JMY: variants seen among roughly 807,000 people sequenced by gnomAD.
JMY encodes the protein junction-mediating and -regulatory protein.
A neutral mutation model predicts 103.3 loss-of-function variants in JMY; 46 were observed. The ratio of observed to expected loss-of-function variants is 0.45; its 90% CI spans 0.35 to 0.57. JMY has a LOEUF of 0.57. Among genes scored for constraint, JMY ranks in the 20% least tolerant of loss-of-function variants. The probability of loss-of-function intolerance (pLI) is 0.00; values close to 1 mark genes in which losing one functional copy is unlikely to be tolerated. For synonymous variants in JMY, 526 were observed against 489.3 expected, an observed-to-expected ratio of 1.07 and a Z score of -0.99; for missense variants, 1,238 against 1,255.2, an observed-to-expected ratio of 0.99 and a Z score of 0.21.
chr5:79,250,978 T>C (rs1745069071), intron 1 of JMY, among the ~76,000 whole-genome samples: 2 of 152,196 alleles, frequency 1.3e-5, no homozygotes, highest in Admixed American at 1.3e-4. Flanking sequence ...GAACTGCCTA[T>C]AATTCTTCAC....
In JMY at chr5:79,237,503, C is replaced by CT; in HGVS notation, c.854dup (p.Cys286ValfsTer30). The stretch of plus-strand genomic sequence containing the variant: ...GATGACCGAGCAGGAAATCGACACT[C>CT]TGTGTTACCAGCTCCAGGTCTACCT... On this transcript the variant is annotated frameshift_variant, in exon 1 of 11. Transcript: ENST00000396137. LOFTEE classifies it high-confidence loss of function. The CT allele has an allele frequency of 6.2e-7, 1 of 1,613,812 alleles. No individual in the cohort carries two copies. Among genetic ancestry groups the CT allele is most frequent in the Non-Finnish European group, 8.5e-7 (1 of 1,180,004 alleles).
intron 1 of JMY, among the ~76,000 whole-genome samples, chr5:79,247,975 C>CTCCACCTCCCAGGTTCAGGTGT (rs1744958047): frequency 6.6e-6 from 1 of 151,338 alleles, no homozygotes; most frequent in African/African-American, 2.4e-5. Context: ...TCACTGCAAC[C>CTCCACCTCCCAGGTTCAGGTGT]TCCACCTCCC....
chr5:79,303,852 T>A (rs1259884918), intron 6 of JMY, among the ~76,000 whole-genome samples: 1 of 151,820 alleles, frequency 6.6e-6, no homozygotes, highest in East Asian at 1.9e-4. Context: ...GGGCAAGGAG[T>A]AGATCTTGGT....
chr5:79,242,325 G>C (rs569320405), intron 1 of JMY, among the ~76,000 whole-genome samples: 1 of 152,256 alleles, frequency 6.6e-6, no homozygotes, highest in Non-Finnish European at 1.5e-5. Context: ...GGAAATAAAG[G>C]ATGTCTTAAG....
In JMY at chr5:79,237,106, G is replaced by C. The variant is rs1188971002; in HGVS notation, c.456G>C (p.Gln152His). 2.6e-6 allele frequency: 4 copies of C among 1,548,484 alleles called. No individual in the cohort carries two copies. The African/African-American group carries it at 4.1e-5, about 16-fold the overall frequency. ...TGCGGGCCAAACCCATCCCGGGTCA[G>C]AAAACATCTGAAGCCGACGATGCGG... ...SPVRAKPIPG[Q>H]KTSEADDAAG... The change falls in exon 1 of 11, where the codon CAG becomes CAC. Residue 152 changes from glutamine to histidine, a missense_variant. By Grantham distance (24) the Gln-to-His change is conservative. Transcript: ENST00000396137.
At chr5:79,252,644 G>A (rs1745122650) in intron 1 of JMY, among the ~76,000 whole-genome samples, 1 of 152,128 alleles carries the variant, frequency 6.6e-6, no homozygotes. Context: ...GTGCTCCAGT[G>A]TTAGGTGCAT....
chr5:79,270,625 A>G (rs1745748826), intron 1 of JMY, among the ~76,000 whole-genome samples: 1 of 136,542 alleles, frequency 7.3e-6, no homozygotes, highest in African/African-American at 2.9e-5. Flanking sequence ...TTTATATAAA[A>G]TATATTTACA....
At chr5:79,313,821 G>T (rs78319504) in intron 8 of JMY, among the ~76,000 whole-genome samples, 2 of 151,948 alleles carry the variant, frequency 1.3e-5, no homozygotes, top group South Asian at 4.1e-4. Flanking sequence ...AGGTACTTTC[G>T]GATTTTCTGT....
rs766568172 is a variant in JMY, at chr5:79,236,631, G to T, written c.-20G>T. The T allele has an allele frequency of 2.9e-6, 4 of 1,368,772 alleles. No individual in the cohort carries two copies. Among genetic ancestry groups the T allele is most frequent in the Non-Finnish European group, 3.8e-6 (4 of 1,045,854 alleles). The allele number at this position is 1,368,772 out of a possible 1,614,324, so 84.8% of individuals were successfully genotyped here. On this transcript the variant is annotated 5_prime_UTR_variant, in exon 1 of 11. Transcript: ENST00000396137. ...GGCCGGGCCGGCGGCCCTTCCCCGC[G>T]GCGAGAAGCCGGAGCCACCATGTCG...
chr5:79,274,825 T>G (rs1225507670), intron 1 of JMY, among the ~76,000 whole-genome samples: 1 of 152,224 alleles, frequency 6.6e-6, no homozygotes, highest in African/African-American at 2.4e-5. Context: ...TTCTGTTATG[T>G]TCCCTCAGAG....
At chr5:79,245,907 G>A (rs973939230) in intron 1 of JMY, among the ~76,000 whole-genome samples, 3 of 152,154 alleles carry the variant, frequency 2.0e-5, no homozygotes, top group Non-Finnish European at 2.9e-5. Flanking sequence ...TTACAGGTGT[G>A]AGCCACTGCA....
At chr5:79,274,403 TTTG>T (rs552805376) in intron 1 of JMY, among the ~76,000 whole-genome samples, 4,656 of 151,894 alleles carry the variant, frequency 0.031, 92 homozygotes, top group Non-Finnish European at 0.048. Context: ...AGTGTTTTTT[TTTG>T]TTTGTTTGTT....
chr5:79,286,367 G>A (rs773905895), intron 2 of JMY, among the ~76,000 whole-genome samples: 24 of 152,228 alleles, frequency 1.6e-4, no homozygotes, highest in Non-Finnish European at 2.2e-4. Flanking sequence ...AAGGCTGGGC[G>A]CAGTGGCTCA....
At chr5:79,247,034 G>C (rs1394869439) in intron 1 of JMY, among the ~76,000 whole-genome samples, 1 of 152,102 alleles carries the variant, frequency 6.6e-6, no homozygotes, top group Admixed American at 6.6e-5. Flanking sequence ...CCTACATAAC[G>C]TATCTATTGT....
At chr5:79,303,623 A>C (rs1283816570) in intron 6 of JMY, among the ~76,000 whole-genome samples, 1 of 152,124 alleles carries the variant, frequency 6.6e-6, no homozygotes, top group East Asian at 1.9e-4. Flanking sequence ...GAACATTTGA[A>C]AGTGTGTGCA....
intron 2 of JMY, among the ~76,000 whole-genome samples, chr5:79,279,429 G>A (rs1746044992): frequency 6.6e-6 from 1 of 152,172 alleles, no homozygotes; most frequent in Admixed American, 6.5e-5. Context: ...GACCTTAAAT[G>A]TTATGTGTAA....
At chr5:79,315,087 T>C (rs929109692) in intron 9 of JMY, among the ~76,000 whole-genome samples, 1 of 152,176 alleles carries the variant, frequency 6.6e-6, no homozygotes, top group African/African-American at 2.4e-5. Context: ...GATACATTCA[T>C]GTTTGGTAAT....
At chr5:79,261,264 T>C (rs1745413470) in intron 1 of JMY, among the ~76,000 whole-genome samples, 1 of 152,184 alleles carries the variant, frequency 6.6e-6, no homozygotes, top group South Asian at 2.1e-4. Flanking sequence ...CAATGTAAAT[T>C]GATAGCATAT....
rs564139522 is a variant in JMY at position 79,325,280 on chromosome 5, C to G, written c.*3678C>G. ...AGTATTACAAACTTAACATCAGATACCAATGTGTAAAAAGTACTATTGGGT... is the reference window on the plus strand; with the variant it reads ...AGTATTACAAACTTAACATCAGATAGCAATGTGTAAAAAGTACTATTGGGT... On this transcript the variant is annotated 3_prime_UTR_variant, in exon 11 of 11. Transcript: ENST00000396137. 1 of 152,092 alleles carries G rather than the reference C, an allele frequency of 6.6e-6. No homozygotes were observed. Among genetic ancestry groups the G allele is most frequent in the Admixed American group, 6.5e-5 (1 of 15,278 alleles). 9.4% of individuals were successfully genotyped at this position (152,092 alleles called of 1,614,324 possible).
Sources: allele counts gnomAD v4.1 joint callset (sites outside exome capture counted in the v4.1 genomes callset), GRCh38; gene constraint gnomAD v4.1.1; transcripts MANE v1.5; gene names NCBI Gene and HGNC (gene_info 2026-07-23, HGNC 2026-07-21).